The following SF3B1 variants were observed in gnomAD, a reference collection of about 807,000 sequenced individuals.
SF3B1 encodes the protein pre-mRNA processing 10.
SF3B1 carries 12 observed loss-of-function variants against 153.8 expected under a neutral mutation model. The observed-to-expected ratio is 0.08, with a 90% CI of 0.05 to 0.13. The LOEUF is 0.13. Ranked by LOEUF, SF3B1 falls within the 10% of genes least tolerant of loss-of-function variation. The pLI, the probability that SF3B1 is intolerant of heterozygous loss-of-function variation, is 1.00. For synonymous variants in SF3B1, 498 were observed against 525.2 expected (o/e 0.95, Z 0.71); for missense variants, 513 against 1,606.1 (o/e 0.32, Z 11.63).
At chr2:197,435,029 G>A (rs2085502225), upstream of SF3B1, 2 of 1,614,112 alleles carry the variant, frequency 1.2e-6, no homozygotes, top group African/African-American at 2.7e-5. Context: ...AGACGGAACT[G>A]GCGCTCCCAA....
chr2:197,419,196 A>AT, intron 4 of SF3B1: 1 of 457,272 alleles, frequency 2.2e-6, no homozygotes, highest in South Asian at 4.4e-5. Flanking sequence ...CAGAAAACAT[A>AT]TTTTTATTTC....
upstream of SF3B1, chr2:197,435,088 C>A (rs1021623330): frequency 4.0e-5 from 64 of 1,594,140 alleles, no homozygotes; most frequent in African/African-American, 1.3e-5. Context: ...CTGGGGGCTG[C>A]ACTCTGCGCG....
chr2:197,400,618 AAATTC>A lies in SF3B1; in HGVS notation c.2718+92_2718+96del. 1 of 1,080,116 alleles carries A rather than the reference AAATTC, an allele frequency of 9.3e-7. No homozygotes were observed. Among genetic ancestry groups the A allele is most frequent in the South Asian group, 1.6e-5 (1 of 64,222 alleles). 66.9% of individuals were successfully genotyped at this position (1,080,116 alleles called of 1,614,324 possible). ...CCCTGAGCATTTTAAAAATTACTTC[AAATTC>A]AATTGCATTCTAGAAAAATTTGCTT... On this transcript the variant is annotated intron_variant, in intron 18 of 24. Transcript: ENST00000335508. This position sits in a 1 kb window ranked among gnomAD's most constrained non-coding sequence, Gnocchi z 5.0.
chr2:197,421,295 C>T (rs1270275962), intron 2 of SF3B1, among the ~76,000 whole-genome samples, 162 bp from the exon 3 acceptor site: 3 of 152,130 alleles, frequency 2.0e-5, no homozygotes, highest in Non-Finnish European at 2.9e-5. Context: ...TCTTTCACTT[C>T]AAAAATCTAT....
rs532203943 is a variant in SF3B1, at chr2:197,417,729, C to A, written c.495+780G>T. Among the ~76,000 whole-genome samples the A allele has an allele frequency of 2.6e-5, 4 of 152,188 alleles. No homozygotes were observed. In the East Asian group the frequency reaches 7.7e-4, roughly 29 times the overall value. On this transcript the variant is annotated intron_variant, in intron 5 of 24. Transcript: ENST00000335508. The stretch of plus-strand genomic sequence containing the variant: ...CTGAAATCGCACCACTGCACTTCAG[C>A]CTGGGCAACAAAGGAAGACTCCACT...
chr2:197,411,821 G>A lies in SF3B1; in HGVS notation c.667-1814C>T, dbSNP rs544101067. ...CTTAAAAACATACTACTCAGGGCTG[G>A]GCATGGTGGTTCATGCCTGTAATCC... On this transcript the variant is annotated intron_variant, in intron 6 of 24. Transcript: ENST00000335508. 2.6e-5 allele frequency among the ~76,000 whole-genome samples: 4 copies of A among 152,222 alleles called. No individual in the cohort carries two copies. The East Asian group carries it at 7.7e-4, about 29-fold the overall frequency.
chr2:197,432,147 T>C (rs770649206), intron 1 of SF3B1, among the ~76,000 whole-genome samples: 2 of 152,046 alleles, frequency 1.3e-5, no homozygotes, highest in African/African-American at 2.4e-5. Context: ...GGAAAAAATA[T>C]ATAGATCAGC....
At chr2:197,394,903 CA>C (rs965468190) in intron 23 of SF3B1, among the ~76,000 whole-genome samples, 31 of 139,276 alleles carry the variant, frequency 2.2e-4, no homozygotes, top group Non-Finnish European at 2.8e-4. Flanking sequence ...AAACTCCGTC[CA>C]AAAAAAAAAA....
In SF3B1 at chr2:197,398,154, TAAGAA is replaced by T. The variant is rs1258789212; in HGVS notation, c.3135-43_3135-39del. The T allele has an allele frequency of 7.2e-6, 11 of 1,529,206 alleles. No individual in the cohort carries two copies. The East Asian group carries it at 9.0e-5, about 13-fold the overall frequency. The allele number at this position is 1,529,206 out of a possible 1,614,324, so 94.7% of individuals were successfully genotyped here. A position where few individuals can be genotyped will look rare whatever the true frequency, so the allele number is the denominator to read the frequency against. On this transcript the variant is annotated intron_variant, in intron 21 of 24. Transcript: ENST00000335508. ...ATACACATATTAATTATTGTGACAT[TAAGAA>T]AAGTTTTAAGGATAAATTTGCAAAT... is the stretch of plus-strand genomic sequence containing the variant.
intron 7 of SF3B1, 105 bp from the exon 8 acceptor site, chr2:197,408,686 A>C: frequency 1.2e-6 from 1 of 801,464 alleles, no homozygotes; most frequent in South Asian, 1.7e-5. Context: ...CTAAAATAGA[A>C]TATTCCTAAA....
chr2:197,433,721 T>C (rs2106029421), intron 1 of SF3B1, among the ~76,000 whole-genome samples: 1 of 151,752 alleles, frequency 6.6e-6, no homozygotes, highest in East Asian at 1.9e-4. Flanking sequence ...TAATCCAACC[T>C]TTCCAGATTC....
At chr2:197,398,387 T>G in intron 21 of SF3B1, 74 bp downstream of exon 21, 2 of 1,487,846 alleles carry the variant, frequency 1.3e-6, no homozygotes, top group Non-Finnish European at 1.9e-6. Context: ...TAAGGAAATT[T>G]TGCTAATTGA....
intron 2 of SF3B1, among the ~76,000 whole-genome samples, chr2:197,423,357 G>A (rs1221397435): frequency 2.0e-5 from 3 of 149,284 alleles, no homozygotes; most frequent in Non-Finnish European, 3.0e-5. Flanking sequence ...TGGATGACAG[G>A]TGAGACTGTC....
chr2:197,418,576 G>A lies in SF3B1; in HGVS notation c.428C>T (p.Pro143Leu). 6.2e-7 allele frequency: 1 copy of A among 1,612,146 alleles called. No individual in the cohort carries two copies. Among genetic ancestry groups the A allele is most frequent in the Non-Finnish European group, 8.5e-7 (1 of 1,178,912 alleles). ...AGTCCTAGCATTCATTTTAGGATCA[G>A]GGGTTTTCCCTCCTGCAGAAAAGAA... is the stretch of plus-strand genomic sequence containing the variant. ...LDPFADGGKT[P>L]DPKMNARTYM... The change falls in exon 5 of 25, where the codon CCT becomes CTT. Residue 143 changes from proline (P) to leucine (L), a missense_variant. By Grantham distance (98) the Pro-to-Leu change is moderately conservative. Transcript: ENST00000335508.
At chr2:197,415,173 G>A (rs2085128837) in intron 6 of SF3B1, among the ~76,000 whole-genome samples, 1 of 149,534 alleles carries the variant, frequency 6.7e-6, no homozygotes, top group South Asian at 2.1e-4. Flanking sequence ...ATCTAGTATG[G>A]AGAAAAAAAT....
chr2:197,425,555 T>C (rs541587775), intron 1 of SF3B1, among the ~76,000 whole-genome samples: 4 of 151,280 alleles, frequency 2.6e-5, no homozygotes, highest in Admixed American at 2.0e-4. Flanking sequence ...TCAAATAGCA[T>C]CCTGTATTTG....
rs72912888 is a variant in SF3B1, at chr2:197,392,284, C to G, written c.*19G>C. The G allele has an allele frequency of 0.01, 10,209 of 1,018,100 alleles. 90 individuals carry two copies. Among genetic ancestry groups the G allele is most frequent in the South Asian group, 0.024 (1,764 of 73,734 alleles). 63.1% of individuals were successfully genotyped at this position (1,018,100 alleles called of 1,614,324 possible). Reference sequence around the variant, plus strand: ...AGGTGTGAAGTAGCTGTGCATTAAACACAAAATAAACAATAAAATTATAAG... The same window carrying G: ...AGGTGTGAAGTAGCTGTGCATTAAAGACAAAATAAACAATAAAATTATAAG... On this transcript the variant is annotated 3_prime_UTR_variant, in exon 25 of 25. Coordinates refer to ENST00000335508, the MANE Select transcript of SF3B1 (RefSeq NM_012433.4).
rs769380239 is a variant in SF3B1, at chr2:197,401,558, A to T, written c.2371-33T>A. 1 of 1,593,622 alleles carries T rather than the reference A, an allele frequency of 6.3e-7. No homozygotes were observed. Among genetic ancestry groups the T allele is most frequent in the South Asian group, 1.1e-5 (1 of 88,100 alleles). On this transcript the variant is annotated intron_variant, in intron 16 of 24. Transcript: ENST00000335508. This position sits in a 1 kb window ranked among gnomAD's most constrained non-coding sequence, Gnocchi z 4.2. ...GTTAAGAAATAGTAATAATAAATCA[A>T]CTGACCTGAAATGAAGAGAATACTC...
chr2:197,398,177 T>C lies in SF3B1; in HGVS notation c.3135-61A>G, dbSNP rs2084897777. ...ATTAAGAAAAGTTTTAAGGATAAAT[T>C]TGCAAATTCAGTTCTAAAAACATGA... is the stretch of plus-strand genomic sequence containing the variant. On this transcript the variant is annotated intron_variant, in intron 21 of 24. Transcript: ENST00000335508. 3.6e-6 allele frequency: 5 copies of C among 1,403,402 alleles called. 1 individual carries two copies. In the South Asian group the frequency reaches 4.9e-5, roughly 14 times the overall value. The allele number at this position is 1,403,402 out of a possible 1,614,324, so 86.9% of individuals were successfully genotyped here. A position where few individuals can be genotyped will look rare whatever the true frequency, so the allele number is the denominator to read the frequency against.
Sources: gnomAD v4.1 joint callset for allele counts (sites outside exome capture counted in the v4.1 genomes callset) on GRCh38, gnomAD v4.1.1 for gene constraint, Gnocchi (gnomAD v3.1) non-coding constraint, MANE v1.5 for transcripts, NCBI Gene and HGNC (gene_info 2026-07-23, HGNC 2026-07-21) for gene names.